The following RANBP2 variants were observed in gnomAD, a reference collection of about 807,000 sequenced individuals.
The protein encoded by RANBP2 is RAN binding protein 2.
RANBP2 carries 57 observed loss-of-function variants against 303.6 expected under a neutral mutation model. That is an observed-to-expected ratio of 0.19 (90% CI 0.15 to 0.23). The LOEUF (loss-of-function observed/expected upper bound fraction) is 0.23. Among genes scored for constraint, RANBP2 ranks in the 10% least tolerant of loss-of-function variants. RANBP2 has a pLI of 1.00. For synonymous variants in RANBP2, 1,167 were observed against 1,301.5 expected, an observed-to-expected ratio of 0.90 and a Z score of 2.23; for missense variants, 3,138 against 3,780.8, an observed-to-expected ratio of 0.83 and a Z score of 4.46.
the RANBP2 span, among the ~76,000 whole-genome samples, chr2:109,076,052 C>T: frequency 1.3e-5 from 2 of 150,404 alleles, no homozygotes; most frequent in African/African-American, 4.8e-5. Flanking sequence ...AAAATATTAG[C>T]AAAGCGAATT....
At chr2:109,494,835 TTC>T in the RANBP2 span, among the ~76,000 whole-genome samples, 1 of 152,146 alleles carries the variant, frequency 6.6e-6, no homozygotes, top group Non-Finnish European at 1.5e-5. Flanking sequence ...AACCATCTCT[TTC>T]AAGACTCTGG....
the RANBP2 span, among the ~76,000 whole-genome samples, chr2:109,117,235 A>C: frequency 6.6e-6 from 1 of 152,220 alleles, no homozygotes; most frequent in South Asian, 2.1e-4. Flanking sequence ...CTGCCCCCAG[A>C]GGTGGAGCCT....
chr2:109,655,059 T>C, the RANBP2 span, among the ~76,000 whole-genome samples: 207 of 152,082 alleles, frequency 1.4e-3, 1 homozygote, highest in Non-Finnish European at 2.0e-3. Context: ...CCCACCACCA[T>C]GCCCGGCTAA....
At chr2:108,972,795 C>G in the RANBP2 span, among the ~76,000 whole-genome samples, 1 of 152,180 alleles carries the variant, frequency 6.6e-6, no homozygotes, top group Non-Finnish European at 1.5e-5. Flanking sequence ...ACCGGGGGGC[C>G]TCCGGCAGGG....
the RANBP2 span, chr2:108,910,647 C>A: frequency 1.4e-6 from 2 of 1,407,126 alleles, no homozygotes; most frequent in Non-Finnish European, 2.0e-6. Flanking sequence ...TGTGTGGCAC[C>A]ACCCCACGGT....
intron 7 of RANBP2, among the ~76,000 whole-genome samples, chr2:108,745,580 C>G (rs1408579217): frequency 7.0e-6 from 1 of 143,002 alleles, no homozygotes; most frequent in Non-Finnish European, 1.5e-5. Context: ...CTTCCCTTTG[C>G]CATTCTATTC....
chr2:108,789,033 G>A (rs1679457880), downstream of RANBP2: 3 of 1,557,414 alleles, frequency 1.9e-6, no homozygotes, highest in African/African-American at 4.1e-5. Context: ...AAAGAGAAAA[G>A]GGCAGGTTAT....
the RANBP2 span, chr2:108,794,506 A>G: frequency 6.4e-7 from 1 of 1,554,502 alleles, no homozygotes; most frequent in Non-Finnish European, 8.7e-7. Flanking sequence ...ATAAGTTAAT[A>G]AAGTTTATAA....
chr2:108,855,225 T>A, the RANBP2 span, among the ~76,000 whole-genome samples: 1 of 152,238 alleles, frequency 6.6e-6, no homozygotes, highest in Non-Finnish European at 1.5e-5. Flanking sequence ...AAAGATAAGG[T>A]CACTTGTGAA....
At chr2:109,594,128 G>A in the RANBP2 span, among the ~76,000 whole-genome samples, 2 of 152,150 alleles carry the variant, frequency 1.3e-5, no homozygotes, top group South Asian at 2.1e-4. Context: ...GATATTCACT[G>A]TTCGCAACAG....
chr2:109,388,645 T>C, the RANBP2 span, among the ~76,000 whole-genome samples: 4 of 152,310 alleles, frequency 2.6e-5, no homozygotes, highest in East Asian at 7.7e-4. Context: ...CACCTATGCA[T>C]GGAATAGGTG....
At chr2:108,907,976 T>C in the RANBP2 span, 1 of 1,612,302 alleles carries the variant, frequency 6.2e-7, no homozygotes, top group Admixed American at 1.7e-5. Flanking sequence ...CTGTCGACGC[T>C]CCGGCTCAGC....
At chr2:108,752,635 A>AAAAAAAAAAT (rs1675987376) in intron 12 of RANBP2, among the ~76,000 whole-genome samples, 1 of 131,700 alleles carries the variant, frequency 7.6e-6, no homozygotes, top group Non-Finnish European at 1.5e-5. Context: ...AAAAAAAAAA[A>AAAAAAAAAAT]AGAAAAAATT....
chr2:109,381,419 G>A, the RANBP2 span, among the ~76,000 whole-genome samples: 2 of 152,220 alleles, frequency 1.3e-5, no homozygotes, highest in South Asian at 2.1e-4. Context: ...GGCCCTGCTG[G>A]TCTCAGCACG....
At chr2:108,722,411 A>G (rs549845439) in intron 1 of RANBP2, among the ~76,000 whole-genome samples, 1 of 152,112 alleles carries the variant, frequency 6.6e-6, no homozygotes, top group African/African-American at 2.4e-5. Flanking sequence ...GATAGAAGGT[A>G]AAGAATGGAG....
chr2:109,577,613 G>T, the RANBP2 span, among the ~76,000 whole-genome samples: 9,646 of 144,256 alleles, frequency 0.067, 721 homozygotes, highest in East Asian at 0.24. Context: ...AAAAAAAAAA[G>T]AAAAAGAAAG....
the RANBP2 span, among the ~76,000 whole-genome samples, chr2:109,048,103 C>T: frequency 1.3e-5 from 2 of 152,150 alleles, no homozygotes; most frequent in East Asian, 1.9e-4. Context: ...TTCTAAACGT[C>T]GGATAATTTG....
At chr2:108,720,784 G>T (rs891913057) in intron 1 of RANBP2, among the ~76,000 whole-genome samples, 1 of 152,182 alleles carries the variant, frequency 6.6e-6, no homozygotes, top group African/African-American at 2.4e-5. Context: ...AGTGGCTCAC[G>T]CCTGTAATCC....
the RANBP2 span, among the ~76,000 whole-genome samples, chr2:109,639,860 G>A: frequency 1.0e-3 from 156 of 151,406 alleles, 1 homozygote; most frequent in Non-Finnish European, 1.9e-3. Flanking sequence ...ACAGGCGCAT[G>A]CCACCATGCC....
Sources: allele counts gnomAD v4.1 joint callset (sites outside exome capture counted in the v4.1 genomes callset), GRCh38; gene constraint gnomAD v4.1.1; transcripts MANE v1.5; gene names NCBI Gene and HGNC (gene_info 2026-07-23, HGNC 2026-07-21).